Variants in FADS2 observed in about 807,000 individuals in gnomAD.
FADS2 encodes acyl-CoA 6-desaturase.
A neutral mutation model predicts 61.2 loss-of-function variants in FADS2; 18 were observed. The observed-to-expected ratio is 0.29, with a 90% confidence interval of 0.20 to 0.44. The LOEUF (loss-of-function observed/expected upper bound fraction) is 0.44, where lower values mean the gene tolerates loss of function less well. Ranked by LOEUF, FADS2 falls within the 20% of genes least tolerant of loss-of-function variation. The probability of loss-of-function intolerance (pLI) is 1.00; values close to 1 mark genes in which losing one functional copy is unlikely to be tolerated. For synonymous variants in FADS2, 203 were observed against 223.9 expected (o/e 0.91, Z 0.83); for missense variants, 322 against 572.7 (o/e 0.56, Z 4.47).
intron 7 of FADS2, among the ~76,000 whole-genome samples, chr11:61,860,675 T>A (rs1591180956): frequency 6.6e-6 from 1 of 152,190 alleles, no homozygotes; most frequent in South Asian, 2.1e-4. Flanking sequence ...CTCAGCACTT[T>A]GGGAGGCTGA....
chr11:61,828,149 G>T, upstream of FADS2: 1 of 1,392,840 alleles, frequency 7.2e-7, no homozygotes, highest in Non-Finnish European at 9.3e-7. This position sits in a 1 kb window ranked among gnomAD's most constrained non-coding sequence, Gnocchi z 6.4. Flanking sequence ...GGGAGGGGCG[G>T]AGGAAGGGGA....
At chr11:61,823,460 T>C (rs141093542), upstream of FADS2, among the ~76,000 whole-genome samples, 7 of 152,350 alleles carry the variant, frequency 4.6e-5, no homozygotes, top group Non-Finnish European at 7.4e-5. Flanking sequence ...TTTAAAGTTT[T>C]ACCTAACATA....
chr11:61,833,232 C>T (rs1363441170), intron 1 of FADS2, among the ~76,000 whole-genome samples: 1 of 152,212 alleles, frequency 6.6e-6, no homozygotes, highest in Non-Finnish European at 1.5e-5. Flanking sequence ...GGGTCCTCTT[C>T]CTGGAAAGTC....
At chr11:61,853,087 G>A (rs530686432) in intron 5 of FADS2, among the ~76,000 whole-genome samples, 180 of 152,232 alleles carry the variant, frequency 1.2e-3, no homozygotes, top group African/African-American at 4.1e-3. Flanking sequence ...CCTGGGAGGC[G>A]GAGGTTGCAG....
At chr11:61,858,032 G>T (rs1468818194) in intron 7 of FADS2, among the ~76,000 whole-genome samples, 1 of 152,208 alleles carries the variant, frequency 6.6e-6, no homozygotes, top group African/African-American at 2.4e-5. Context: ...AAACTGAGGT[G>T]TTAGCAGGGT....
chr11:61,841,531 C>G (rs544251082), intron 4 of FADS2, among the ~76,000 whole-genome samples: 6 of 149,668 alleles, frequency 4.0e-5, no homozygotes, highest in East Asian at 2.0e-4. Context: ...AGACCCCCCC[C>G]CATCTCTCAA....
At chr11:61,824,565 A>G (rs2067067820), upstream of FADS2, among the ~76,000 whole-genome samples, 1 of 151,952 alleles carries the variant, frequency 6.6e-6, no homozygotes, top group Non-Finnish European at 1.5e-5. Flanking sequence ...AGGAAACTGA[A>G]GGTCAGAGAC....
At chr11:61,818,206 C>A (rs532452447) in intron 1 of FADS2, among the ~76,000 whole-genome samples, 1 of 152,172 alleles carries the variant, frequency 6.6e-6, no homozygotes, top group Non-Finnish European at 1.5e-5. Context: ...AGGATTAATT[C>A]ATTCCATCCA....
rs2135953509 is a variant in FADS2, at chr11:61,828,763, C to T, written c.207+166C>T. ...CTCGTACCCCCTCCCCAATCCTCCT[C>T]CTCCTCTGGGCCGACTGGGGTGGAG... On this transcript the variant is annotated intron_variant, in intron 1 of 11. Coordinates refer to ENST00000278840, the MANE Select transcript of FADS2 (RefSeq NM_004265.4). This position sits in a 1 kb window ranked among gnomAD's most constrained non-coding sequence, Gnocchi z 6.4. The T allele has an allele frequency of 1.6e-6, 1 of 636,076 alleles. No homozygotes were observed. The highest frequency in any genetic ancestry group is 1.8e-5 in the African/African-American group (1 of 54,270). The allele number at this position is 636,076 out of a possible 1,614,324, so 39.4% of individuals were successfully genotyped here.
chr11:61,827,462 C>T (rs1165487842), upstream of FADS2: 1 of 152,240 alleles, frequency 6.6e-6, no homozygotes, highest in Non-Finnish European at 1.5e-5. The surrounding 1 kb of genome is among the most constrained non-coding windows in gnomAD (Gnocchi z 4.5). Flanking sequence ...GATTGTCTGA[C>T]TAGAGGGTTC....
intron 4 of FADS2, among the ~76,000 whole-genome samples, chr11:61,842,632 T>C (rs533612657): frequency 7.0e-4 from 107 of 152,328 alleles, no homozygotes; most frequent in African/African-American, 2.5e-3. Flanking sequence ...GTCCTTGGGC[T>C]TGGGGATGTG....
intron 1 of FADS2, among the ~76,000 whole-genome samples, chr11:61,836,029 G>A (rs1045642098): frequency 2.0e-5 from 3 of 152,156 alleles, no homozygotes; most frequent in Non-Finnish European, 2.9e-5. Flanking sequence ...GAAAAACCTG[G>A]TATAACTTCT....
At chr11:61,824,435 GGAGGGAGGGAGGGAGGGAGGGAGGGA>G (rs2067057745), upstream of FADS2, among the ~76,000 whole-genome samples, 1 of 4,630 alleles carries the variant, frequency 2.2e-4, no homozygotes, top group African/African-American at 7.2e-4. Flanking sequence ...AGAGAGAGAG[GGAGGGAGGGAGGGAGGGAGGGAGGGA>G]GAGAGAGAGA....
Position 61,816,302 on chromosome 11 carries a change from C to T in FADS2, c.17C>T (p.Ala6Val), listed in dbSNP as rs570597167. 2.5e-6 allele frequency: 4 copies of T among 1,598,344 alleles called. No homozygotes were observed. The highest frequency in any genetic ancestry group is 3.3e-5 in the Admixed American group (2 of 60,020). The change falls in exon 1 of 12, where the codon GCG becomes GTG. Residue 6 changes from alanine (A) to valine (V), a missense_variant. Coordinates refer to the FADS2 transcript ENST00000257261. The surrounding 1 kb of genome is among the most constrained non-coding windows in gnomAD (Gnocchi z 7.0). ...GCAGATGGAATGCACGGCAGGGAGG[C>T]GGGACCCTTTGTTTGTGTGTGCGTG...
At chr11:61,863,420 T>C (rs1392930933) in intron 9 of FADS2, 42 bp downstream of exon 9, 2 of 1,430,974 alleles carry the variant, frequency 1.4e-6, no homozygotes, top group African/African-American at 2.8e-5. Flanking sequence ...GGTCCCAATG[T>C]CCATGTCCTG....
At chr11:61,835,325 T>C (rs1240790802) in intron 1 of FADS2, among the ~76,000 whole-genome samples, 2 of 151,730 alleles carry the variant, frequency 1.3e-5, no homozygotes, top group Non-Finnish European at 2.9e-5. Context: ...CAGTTACCCT[T>C]GGGAGATCCT....
At chr11:61,824,471 A>G (rs1565325306), upstream of FADS2, among the ~76,000 whole-genome samples, 10 of 6,260 alleles carry the variant, frequency 1.6e-3, no homozygotes, top group African/African-American at 1.7e-3. Context: ...AGAGAGAGAG[A>G]GAGAGAGAGA....
intron 5 of FADS2, chr11:61,854,684 G>A (rs1229095302): frequency 6.6e-6 from 1 of 152,284 alleles, no homozygotes; most frequent in African/African-American, 2.4e-5. Context: ...GATGAGAGCA[G>A]AGAGTTAGCC....
At position 61,816,810 on chromosome 11, in the gene FADS2, G is replaced by T; in HGVS notation, c.141+384G>T. ...GGCCAGCAGGGGCTGTCAGGCGCGT[G>T]CTCGGGGTCCGCGGGCTCCAGGAGT... On this transcript the variant is annotated intron_variant, in intron 1 of 11. Transcript: ENST00000257261. This position sits in a 1 kb window ranked among gnomAD's most constrained non-coding sequence, Gnocchi z 7.0. 1 of 1,495,570 alleles carries T rather than the reference G, an allele frequency of 6.7e-7. No homozygotes were observed. The highest frequency in any genetic ancestry group is 8.8e-7 in the Non-Finnish European group (1 of 1,132,628). The allele number at this position is 1,495,570 out of a possible 1,614,324, so 92.6% of individuals were successfully genotyped here. A position where few individuals can be genotyped will look rare whatever the true frequency, so the allele number is the denominator to read the frequency against.
Sources: allele counts gnomAD v4.1 joint callset (sites outside exome capture counted in the v4.1 genomes callset), GRCh38; gene constraint gnomAD v4.1.1; non-coding constraint Gnocchi (gnomAD v3.1); transcripts MANE v1.5; gene names NCBI Gene and HGNC (gene_info 2026-07-23, HGNC 2026-07-21).